The following ZBTB20 variants were observed in gnomAD, a reference collection of about 807,000 sequenced individuals.
The protein encoded by ZBTB20 is zinc finger and BTB domain-containing protein 20.
Under a neutral mutation model 56.9 loss-of-function variants are expected in ZBTB20, and 9 were observed. That is an observed-to-expected ratio of 0.16 (90% CI 0.10 to 0.28). ZBTB20 has a LOEUF of 0.28. Ranked by LOEUF, ZBTB20 falls within the 10% of genes least tolerant of loss-of-function variation. The probability of loss-of-function intolerance (pLI) is 1.00; values close to 1 mark genes in which losing one functional copy is unlikely to be tolerated. For synonymous variants in ZBTB20, 417 were observed against 420.7 expected, an observed-to-expected ratio of 0.99 and a Z score of 0.11; for missense variants, 655 against 1,003.0, an observed-to-expected ratio of 0.65 and a Z score of 4.69.
At chr3:114,959,568 G>T (rs1387107342) in intron 3 of ZBTB20, among the ~76,000 whole-genome samples, 1 of 152,088 alleles carries the variant, frequency 6.6e-6, no homozygotes, top group African/African-American at 2.4e-5. Context: ...ACCAAATGCG[G>T]TTTTTGTTTT....
intron 2 of ZBTB20, among the ~76,000 whole-genome samples, chr3:114,998,210 T>C (rs1241503079): frequency 6.6e-6 from 1 of 151,734 alleles, no homozygotes; most frequent in African/African-American, 2.4e-5. Context: ...AATGAGGAAG[T>C]TGACCTAGTA....
intron 4 of ZBTB20, among the ~76,000 whole-genome samples, chr3:114,833,195 A>T (rs1221841271): frequency 6.6e-6 from 1 of 152,158 alleles, no homozygotes; most frequent in Non-Finnish European, 1.5e-5. Context: ...TGATTTATTG[A>T]AAAGTTATTA....
intron 5 of ZBTB20, among the ~76,000 whole-genome samples, chr3:114,707,323 C>T (rs552234844): frequency 1.5e-4 from 23 of 152,078 alleles, no homozygotes; most frequent in Non-Finnish European, 3.4e-4. Flanking sequence ...GTCAGAAATC[C>T]TTTTCAGTTT....
intron 2 of ZBTB20, among the ~76,000 whole-genome samples, chr3:114,982,553 T>C (rs1259291070): frequency 6.6e-6 from 1 of 152,050 alleles, no homozygotes; most frequent in Non-Finnish European, 1.5e-5. Flanking sequence ...CCTTATGGTT[T>C]GCACAGAACA....
intron 1 of ZBTB20, among the ~76,000 whole-genome samples, chr3:115,072,863 T>C (rs1428902826): frequency 6.6e-6 from 1 of 152,196 alleles, no homozygotes; most frequent in Non-Finnish European, 1.5e-5. Context: ...TCATATGAAC[T>C]CTGCATAACC....
chr3:114,891,663 T>C (rs986411164), intron 4 of ZBTB20, among the ~76,000 whole-genome samples: 5 of 152,198 alleles, frequency 3.3e-5, no homozygotes, highest in Non-Finnish European at 5.9e-5. Flanking sequence ...CATTAGGATA[T>C]TGATAACACT....
intron 2 of ZBTB20, among the ~76,000 whole-genome samples, chr3:114,980,067 G>A (rs989227137): frequency 6.6e-6 from 1 of 151,902 alleles, no homozygotes; most frequent in African/African-American, 2.4e-5. Flanking sequence ...GAAAGATTAG[G>A]TACTAAATAC....
chr3:114,647,675 A>G (rs1265180828), intron 6 of ZBTB20, among the ~76,000 whole-genome samples: 1 of 152,188 alleles, frequency 6.6e-6, no homozygotes, highest in Non-Finnish European at 1.5e-5. Context: ...GTGATTATCT[A>G]TGAAACCTGT....
chr3:114,984,528 C>A (rs1387661531), intron 2 of ZBTB20, among the ~76,000 whole-genome samples: 1 of 152,016 alleles, frequency 6.6e-6, no homozygotes, highest in African/African-American at 2.4e-5. Context: ...TCCAAATAAG[C>A]TTCTCTTTGG....
intron 7 of ZBTB20, among the ~76,000 whole-genome samples, chr3:114,407,097 G>T (rs1439276894): frequency 6.6e-6 from 1 of 152,164 alleles, no homozygotes; most frequent in Non-Finnish European, 1.5e-5. Flanking sequence ...ACTAGCCACT[G>T]CCATAGCCAA....
At chr3:114,395,401 G>T (rs979645109) in intron 7 of ZBTB20, among the ~76,000 whole-genome samples, 6 of 152,118 alleles carry the variant, frequency 3.9e-5, no homozygotes, top group African/African-American at 1.4e-4. Context: ...TCTGCAAAAA[G>T]AGGAGGTTGG....
chr3:114,569,463 C>T (rs2053174362), intron 6 of ZBTB20, among the ~76,000 whole-genome samples: 1 of 152,156 alleles, frequency 6.6e-6, no homozygotes, highest in Admixed American at 6.5e-5. Context: ...ATGAGGCAGG[C>T]CCTGGGATCA....
chr3:114,335,488 TC>T lies in ZBTB20; in HGVS notation c.*3516del, dbSNP rs935761085. 1.3e-5 allele frequency: 2 copies of T among 152,222 alleles called. No homozygotes were observed. Among genetic ancestry groups the T allele is most frequent in the African/African-American group, 4.8e-5 (2 of 41,446 alleles). The allele number at this position is 152,222 out of a possible 1,614,324, so 9.4% of individuals were successfully genotyped here. A position where few individuals can be genotyped will look rare whatever the true frequency, so the allele number is the denominator to read the frequency against. On this transcript the variant is annotated 3_prime_UTR_variant, in exon 12 of 12. Transcript: ENST00000675478. ...AATTGACAATCTAAAAGCATCTCTA[TC>T]CTTTTGAAACAGGTCCAGATTGGTT...
Position 114,351,393 on chromosome 3 carries a change from A to C in ZBTB20, c.685T>G (p.Ser229Ala). 1 of 1,610,876 alleles carries C rather than the reference A, an allele frequency of 6.2e-7. No homozygotes were observed. Among genetic ancestry groups the C allele is most frequent in the South Asian group, 1.1e-5 (1 of 90,970 alleles). ...TGTGGGTGGCTCTGCAGGTAGCCCGACTCCGTGTCGCTGCTCTGGCCTGAC... is the reference window on the plus strand; with the variant it reads ...TGTGGGTGGCTCTGCAGGTAGCCCGCCTCCGTGTCGCTGCTCTGGCCTGAC... Reference protein sequence around the residue: ...GTSGQSSDTESGYLQSHPQHS... With the variant: ...GTSGQSSDTEAGYLQSHPQHS... The change falls in exon 11 of 12, where the codon TCG becomes GCG. Residue 229 changes from serine (S) to alanine (A), a missense_variant. Ser to Ala is a moderately conservative substitution (Grantham distance 99, BLOSUM62 1). Coordinates refer to ENST00000675478, the MANE Select transcript of ZBTB20 (RefSeq NM_001348800.3).
intron 5 of ZBTB20, among the ~76,000 whole-genome samples, chr3:114,720,625 A>T (rs570612003): frequency 6.6e-6 from 1 of 152,314 alleles, no homozygotes; most frequent in Admixed American, 6.5e-5. Flanking sequence ...GAAGTTTAGA[A>T]AATCAGTAGA....
At chr3:115,078,231 G>A (rs2658056) in intron 1 of ZBTB20, among the ~76,000 whole-genome samples, 35,850 of 152,020 alleles carry the variant, frequency 0.24, 4,600 homozygotes, top group Middle Eastern at 0.32. Context: ...CTAGAACAAC[G>A]TGTTATTGCT....
At chr3:115,042,588 C>G (rs1033636851) in intron 2 of ZBTB20, among the ~76,000 whole-genome samples, 3 of 152,098 alleles carry the variant, frequency 2.0e-5, no homozygotes, top group African/African-American at 7.2e-5. Context: ...TCTCTTACCC[C>G]ACCCTTTTCA....
intron 6 of ZBTB20, among the ~76,000 whole-genome samples, chr3:114,664,444 T>G (rs2060930796): frequency 6.6e-6 from 1 of 152,132 alleles, no homozygotes; most frequent in Non-Finnish European, 1.5e-5. Context: ...TAGTACTGTA[T>G]CAACCTGTCA....
chr3:114,812,957 C>G (rs2072659584), intron 4 of ZBTB20, among the ~76,000 whole-genome samples: 1 of 149,128 alleles, frequency 6.7e-6, no homozygotes, highest in Admixed American at 6.6e-5. Context: ...AGTGCGGGGT[C>G]CGTCTAGCCC....
Sources: gnomAD v4.1 joint callset for allele counts (sites outside exome capture counted in the v4.1 genomes callset) on GRCh38, gnomAD v4.1.1 for gene constraint, MANE v1.5 for transcripts, NCBI Gene and HGNC (gene_info 2026-07-23, HGNC 2026-07-21) for gene names.